Variants in SCFD2 observed in about 807,000 individuals in gnomAD.
The protein encoded by SCFD2 is sec1 family domain-containing protein 2.
A neutral mutation model predicts 58.9 loss-of-function variants in SCFD2; 54 were observed. The ratio of observed to expected loss-of-function variants is 0.92; its 90% CI spans 0.74 to 1.15. SCFD2 has a LOEUF of 1.15. Among genes scored for constraint, SCFD2 ranks in the 50% most tolerant of loss-of-function variants. The probability of loss-of-function intolerance (pLI) is 0.00; values close to 1 mark genes in which losing one functional copy is unlikely to be tolerated. For missense variants in SCFD2, 805 were observed against 836.6 expected (o/e 0.96, Z 0.47); for synonymous variants, 321 against 335.9 (o/e 0.96, Z 0.49).
intron 4 of SCFD2, among the ~76,000 whole-genome samples, chr4:53,226,158 T>C (rs1303708850): frequency 6.6e-6 from 1 of 152,120 alleles, no homozygotes; most frequent in African/African-American, 2.4e-5. Context: ...CCCTCATCAA[T>C]TGTTCTTAGC....
chr4:52,910,508 T>C (rs926823483), intron 6 of SCFD2, among the ~76,000 whole-genome samples: 3 of 152,204 alleles, frequency 2.0e-5, no homozygotes, highest in Non-Finnish European at 4.4e-5. Flanking sequence ...GAAATTCTGA[T>C]AGAAAGCATG....
intron 4 of SCFD2, among the ~76,000 whole-genome samples, chr4:53,265,072 G>T (rs1261985579): frequency 6.6e-6 from 1 of 152,124 alleles, no homozygotes; most frequent in Non-Finnish European, 1.5e-5. Context: ...TAGGAAGTAG[G>T]AAGTTTAAAC....
chr4:53,338,569 A>ATTTTTTTTTTTTTTTT (rs1454636023), intron 2 of SCFD2, among the ~76,000 whole-genome samples: 35 of 58,360 alleles, frequency 6.0e-4, no homozygotes, highest in Non-Finnish European at 8.4e-4. Context: ...AAAGCAGTAT[A>ATTTTTTTTTTTTTTTT]TTTTTCTTTT....
intron 5 of SCFD2, among the ~76,000 whole-genome samples, chr4:53,001,047 C>G (rs1319222718): frequency 1.3e-5 from 2 of 152,212 alleles, no homozygotes; most frequent in African/African-American, 4.8e-5. Context: ...TAAAACAACA[C>G]TAGCAATTTT....
intron 4 of SCFD2, among the ~76,000 whole-genome samples, chr4:53,245,079 G>A (rs981580536): frequency 2.1e-4 from 32 of 151,836 alleles, no homozygotes; most frequent in African/African-American, 7.7e-4. Context: ...TCCCTGAATA[G>A]ACCAATTACA....
intron 3 of SCFD2, 45 bp from the exon 4 acceptor site, chr4:53,274,046 T>C (rs1267135749): frequency 3.3e-6 from 5 of 1,497,996 alleles, no homozygotes; most frequent in Admixed American, 2.0e-5. Flanking sequence ...CTGGGAATAG[T>C]ACAAATAATG....
chr4:53,046,965 C>A (rs905027928), intron 5 of SCFD2, among the ~76,000 whole-genome samples: 22 of 152,164 alleles, frequency 1.4e-4, no homozygotes, highest in Non-Finnish European at 1.0e-4. Flanking sequence ...AGCCACTGTG[C>A]CCGACCAAAG....
chr4:53,258,006 A>T (rs1170680514), intron 4 of SCFD2, among the ~76,000 whole-genome samples: 1 of 152,140 alleles, frequency 6.6e-6, no homozygotes, highest in African/African-American at 2.4e-5. Context: ...TAGGAAGTAG[A>T]AGGAAGGCTG....
At chr4:53,249,315 C>A (rs1262619323) in intron 4 of SCFD2, among the ~76,000 whole-genome samples, 1 of 152,082 alleles carries the variant, frequency 6.6e-6, no homozygotes, top group Non-Finnish European at 1.5e-5. Flanking sequence ...GTGAAAAGAC[C>A]AAATCTACAT....
chr4:53,250,281 G>A (rs995636215), intron 4 of SCFD2, among the ~76,000 whole-genome samples: 1 of 152,130 alleles, frequency 6.6e-6, no homozygotes, highest in South Asian at 2.1e-4. Flanking sequence ...CCCAATATAG[G>A]AGCACCCAGA....
chr4:52,884,706 C>T (rs1718694898), intron 8 of SCFD2, among the ~76,000 whole-genome samples: 1 of 152,166 alleles, frequency 6.6e-6, no homozygotes. Flanking sequence ...ACTGATTTAA[C>T]AGGCTGTGCA....
chr4:53,282,922 G>A (rs143516909), intron 3 of SCFD2, among the ~76,000 whole-genome samples: 1 of 152,224 alleles, frequency 6.6e-6, no homozygotes, highest in African/African-American at 2.4e-5. Context: ...ACCTCGATAA[G>A]AGGCTTTTCT....
chr4:53,162,509 G>A (rs1234979919), intron 4 of SCFD2, among the ~76,000 whole-genome samples: 7 of 152,134 alleles, frequency 4.6e-5, no homozygotes, highest in Admixed American at 1.3e-4. Flanking sequence ...CTGAGGAATC[G>A]CGACACTGAC....
intron 4 of SCFD2, among the ~76,000 whole-genome samples, chr4:53,262,350 T>C (rs1179042109): frequency 6.6e-6 from 1 of 152,202 alleles, no homozygotes; most frequent in Non-Finnish European, 1.5e-5. Context: ...TATAGGTCCT[T>C]TGACATTTAT....
chr4:53,043,816 C>T (rs1238608440), intron 5 of SCFD2, among the ~76,000 whole-genome samples: 1 of 151,936 alleles, frequency 6.6e-6, no homozygotes, highest in African/African-American at 2.4e-5. Flanking sequence ...TTAAAATAAA[C>T]ACTTACAAAC....
intron 1 of SCFD2, among the ~76,000 whole-genome samples, chr4:53,355,877 C>A (rs1734385341): frequency 6.6e-6 from 1 of 152,186 alleles, no homozygotes; most frequent in Admixed American, 6.5e-5. Flanking sequence ...TATGCTTCCT[C>A]CCTTCTTTCG....
intron 5 of SCFD2, among the ~76,000 whole-genome samples, chr4:53,099,292 C>T (rs765814559): frequency 1.4e-4 from 22 of 152,180 alleles, no homozygotes; most frequent in Non-Finnish European, 2.5e-4. Flanking sequence ...TTTCACAAAG[C>T]GGAGAGTTGA....
At position 52,995,086 on chromosome 4, in the gene SCFD2, C is replaced by T. The variant is rs575354203; in HGVS notation, c.1562-74216G>A. 1.7e-3 allele frequency among the ~76,000 whole-genome samples: 264 copies of T among 152,234 alleles called. 2 individuals are homozygous for T. Among genetic ancestry groups the T allele is most frequent in the African/African-American group, 6.0e-3 (251 of 41,544 alleles). On this transcript the variant is annotated intron_variant, in intron 5 of 8. Transcript: ENST00000401642. ...TCAAGTGCATTACATTTACTGTGTA[C>T]TTTATTTCTATTATTATTACATTTT...
intron 5 of SCFD2, among the ~76,000 whole-genome samples, chr4:53,089,791 T>C (rs1367328533): frequency 1.3e-5 from 2 of 152,190 alleles, no homozygotes; most frequent in Admixed American, 1.3e-4. Flanking sequence ...TCTATATTCT[T>C]AAATTAGTTT....
Sources: gnomAD v4.1 joint callset for allele counts (sites outside exome capture counted in the v4.1 genomes callset) on GRCh38, gnomAD v4.1.1 for gene constraint, MANE v1.5 for transcripts, NCBI Gene and HGNC (gene_info 2026-07-23, HGNC 2026-07-21) for gene names.